MTOR: variants seen among roughly 807,000 people sequenced by gnomAD.
The protein encoded by MTOR is mechanistic target of rapamycin kinase.
Under a neutral mutation model 319.8 loss-of-function variants are expected in MTOR, and 70 were observed. The observed-to-expected ratio is 0.22, with a 90% CI of 0.18 to 0.27. The LOEUF (loss-of-function observed/expected upper bound fraction) is 0.27, where lower values mean the gene tolerates loss of function less well. MTOR is among the 10% of genes least tolerant of loss of function. The pLI is 1.00. For synonymous variants in MTOR, 1,183 were observed against 1,211.4 expected, an observed-to-expected ratio of 0.98 and a Z score of 0.49; for missense variants, 1,890 against 3,274.4, an observed-to-expected ratio of 0.58 and a Z score of 10.32.
At chr1:11,139,733 C>T in intron 34 of MTOR, 75 bp from the exon 35 acceptor site, 1 of 1,583,864 alleles carries the variant, frequency 6.3e-7, no homozygotes, top group East Asian at 2.2e-5. Context: ...GCTCTGTCGC[C>T]CAGGCTGGAG....
At chr1:11,174,155 G>GA (rs1208531881) in intron 28 of MTOR, among the ~76,000 whole-genome samples, 5 of 152,028 alleles carry the variant, frequency 3.3e-5, no homozygotes, top group African/African-American at 1.2e-4. Flanking sequence ...GAGGTAAAGA[G>GA]AAAAAAGTAT....
chr1:11,213,052 G>C (rs1459087627), intron 21 of MTOR, 144 bp from the exon 22 acceptor site: 3 of 632,102 alleles, frequency 4.7e-6, no homozygotes, highest in African/African-American at 1.8e-5. Flanking sequence ...ATATCCTTTT[G>C]ATAGCACTTT....
intron 39 of MTOR, among the ~76,000 whole-genome samples, chr1:11,130,327 G>A (rs926833971): frequency 1.3e-5 from 2 of 152,220 alleles, no homozygotes; most frequent in African/African-American, 4.8e-5. Flanking sequence ...TCAGCATAGA[G>A]GCTGCGTCAG....
At chr1:11,111,957 C>T (rs1235632259) in intron 54 of MTOR, among the ~76,000 whole-genome samples, 2 of 47,270 alleles carry the variant, frequency 4.2e-5, no homozygotes, top group Admixed American at 2.8e-4. Flanking sequence ...CAATTTTACT[C>T]AAAAACAAAC....
At chr1:11,138,158 A>G (rs1260640639) in intron 36 of MTOR, among the ~76,000 whole-genome samples, 1 of 152,238 alleles carries the variant, frequency 6.6e-6, no homozygotes, top group Non-Finnish European at 1.5e-5. Flanking sequence ...CTTAGGCAAG[A>G]CAGTCAAAGA....
chr1:11,215,234 C>T (rs1557432252), intron 20 of MTOR, among the ~76,000 whole-genome samples: 1 of 152,200 alleles, frequency 6.6e-6, no homozygotes, highest in Non-Finnish European at 1.5e-5. Flanking sequence ...TGCTTCTTCC[C>T]TTGCCCCTCC....
At chr1:11,206,952 TATC>T (rs1646156331) in intron 25 of MTOR, among the ~76,000 whole-genome samples, 2 of 152,234 alleles carry the variant, frequency 1.3e-5, no homozygotes, top group Non-Finnish European at 2.9e-5. Flanking sequence ...AATCTAATAT[TATC>T]ATAACAAATA....
intron 47 of MTOR, among the ~76,000 whole-genome samples, chr1:11,123,399 C>A (rs1254668170): frequency 6.7e-6 from 1 of 149,232 alleles, no homozygotes; most frequent in African/African-American, 2.5e-5. Flanking sequence ...TGGGACTACA[C>A]TGTGCCCAGC....
chr1:11,117,560 AAACTTAATTAGAAATGTGTTAG>A (rs1487258712), intron 49 of MTOR, among the ~76,000 whole-genome samples: 5 of 152,220 alleles, frequency 3.3e-5, no homozygotes, highest in African/African-American at 1.2e-4. Flanking sequence ...GCCTTGAATT[AAACTTAATTAGAAATGTGTTAG>A]ACTTAAAGAT....
intron 45 of MTOR, 70 bp downstream of exon 45, chr1:11,126,940 A>C (rs1231674625): frequency 2.5e-6 from 4 of 1,590,398 alleles, no homozygotes; most frequent in Non-Finnish European, 3.4e-6. Flanking sequence ...GAGTGTTAGA[A>C]CATTCATAGA....
chr1:11,255,662 C>T (rs556456853), intron 5 of MTOR, among the ~76,000 whole-genome samples: 1 of 151,836 alleles, frequency 6.6e-6, no homozygotes, highest in South Asian at 2.1e-4. Flanking sequence ...ACCAGCCTGG[C>T]CAACATGGCA....
intron 28 of MTOR, among the ~76,000 whole-genome samples, chr1:11,186,082 C>CAAAA (rs765868801): frequency 0.021 from 890 of 42,944 alleles, 26 homozygotes; most frequent in Non-Finnish European, 0.022. Flanking sequence ...GACTCCGTCT[C>CAAAA]AAAAAAAAAA....
At chr1:11,131,091 T>C in intron 38 of MTOR, 1 of 419,592 alleles carries the variant, frequency 2.4e-6, no homozygotes, top group South Asian at 2.8e-5. Flanking sequence ...CCTGAAGACC[T>C]AGGTACTCTG....
intron 38 of MTOR, chr1:11,131,880 C>T (rs999053279): frequency 3.9e-5 from 6 of 152,208 alleles, no homozygotes; most frequent in African/African-American, 1.2e-4. Context: ...GTTTTCTCAA[C>T]TAAGGAGAAT....
At chr1:11,254,815 A>C (rs1045847079) in intron 5 of MTOR, among the ~76,000 whole-genome samples, 5 of 149,572 alleles carry the variant, frequency 3.3e-5, no homozygotes, top group Non-Finnish European at 7.4e-5. Flanking sequence ...TCAAGTCTGG[A>C]GTGCAGTGGC....
At position 11,192,503 on chromosome 1, in the gene MTOR, C is replaced by T. The variant is rs1338366308; in HGVS notation, c.4253+6755G>A. 8 of 713,364 alleles carry T rather than the reference C, an allele frequency of 1.1e-5. No homozygotes were observed. In the Admixed American group the frequency reaches 1.2e-4, roughly 11 times the overall value. 44.2% of individuals were successfully genotyped at this position (713,364 alleles called of 1,614,324 possible). ...GGGCGCAGTGGCTCACACCTGTAAT[C>T]CCAGCACTATGGGAGGCCGAGGCAG... is the stretch of plus-strand genomic sequence containing the variant. On this transcript the variant is annotated intron_variant, in intron 28 of 57. Transcript: ENST00000361445.
intron 28 of MTOR, among the ~76,000 whole-genome samples, chr1:11,178,252 C>T (rs1251926739): frequency 6.6e-6 from 1 of 152,242 alleles, no homozygotes; most frequent in African/African-American, 2.4e-5. Context: ...AGCTGGCAAG[C>T]TGGCCCATTT....
intron 19 of MTOR, among the ~76,000 whole-genome samples, chr1:11,226,691 T>C (rs1047625783): frequency 1.3e-5 from 2 of 151,794 alleles, no homozygotes; most frequent in African/African-American, 4.8e-5. Context: ...GGAGGATTAT[T>C]TGAGCCCAGG....
At chr1:11,230,866 C>T (rs1291761506) in intron 18 of MTOR, 59 bp downstream of exon 18, 9 of 1,607,428 alleles carry the variant, frequency 5.6e-6, no homozygotes, top group Non-Finnish European at 7.7e-6. Flanking sequence ...CTAAACACAA[C>T]CAGCAAGGGC....
Sources: allele counts gnomAD v4.1 joint callset (sites outside exome capture counted in the v4.1 genomes callset), GRCh38; gene constraint gnomAD v4.1.1; transcripts MANE v1.5; gene names NCBI Gene and HGNC (gene_info 2026-07-23, HGNC 2026-07-21).